The following PNPLA7 variants were observed in gnomAD, a reference collection of about 807,000 sequenced individuals.
PNPLA7 encodes the protein patatin like domain 7, lysophospholipase, also known as patatin-like phospholipase domain-containing protein 7.
Under a neutral mutation model 161.7 loss-of-function variants are expected in PNPLA7, and 153 were observed. The observed-to-expected ratio is 0.95, with a 90% CI of 0.83 to 1.08. The LOEUF (loss-of-function observed/expected upper bound fraction) is 1.08. Among genes scored for constraint, PNPLA7 ranks in the 50% least tolerant of loss-of-function variants. PNPLA7 has a pLI of 0.00. For missense variants in PNPLA7, 1,739 were observed against 1,856.6 expected, an observed-to-expected ratio of 0.94 and a Z score of 1.16; for synonymous variants, 809 against 782.1, an observed-to-expected ratio of 1.03 and a Z score of -0.57.
rs113832428 is a variant in PNPLA7, at chr9:137,479,257, G to C, written c.2581-19C>G. 1.3e-6 allele frequency: 2 copies of C among 1,506,034 alleles called. No individual in the cohort carries two copies. Among genetic ancestry groups the C allele is most frequent in the Non-Finnish European group, 1.8e-6 (2 of 1,119,906 alleles). 93.3% of individuals were successfully genotyped at this position (1,506,034 alleles called of 1,614,324 possible). On this transcript the variant is annotated intron_variant, in intron 23 of 34. Transcript: ENST00000406427. ...GCTCCAGCTGAAAGGCAGAGCCCAC[G>C]TGTCTGCCAGCCGGGTGAGCCTGGG...
chr9:137,529,985 G>C (rs997873206), intron 8 of PNPLA7, among the ~76,000 whole-genome samples: 1 of 146,924 alleles, frequency 6.8e-6, no homozygotes, highest in Non-Finnish European at 1.5e-5. Context: ...TTTTTCCTGA[G>C]ATACAGTCTT....
rs775850750 is a variant in PNPLA7 at position 137,501,652 on chromosome 9, G to C, written c.1549C>G (p.Gln517Glu). Residue 517 changes from glutamine (Q) to glutamate (E), a missense_variant and splice_region_variant, in exon 15 of 35, where the codon CAG (glutamine) becomes GAG (glutamate). Gln to Glu is a conservative substitution (Grantham distance 29, BLOSUM62 2). This residue lies in a region of PNPLA7 where 481 missense variants were observed against 450.0 expected (regional missense o/e 1.07). Coordinates refer to ENST00000406427, the MANE Select transcript of PNPLA7 (RefSeq NM_001098537.3). ...CCCCCCCCCAGACCCCCGCTCACCT[G>C]GTCTCCCTGCCTTGACACCACCGTG... ...AGTVVSRQGD[Q>E]DASILFVVSG... 2 of 1,612,032 alleles carry C rather than the reference G, an allele frequency of 1.2e-6. No individual in the cohort carries two copies. The highest frequency in any genetic ancestry group is 1.1e-5 in the South Asian group (1 of 90,948).
At chr9:137,481,528 C>A (rs964718813) in intron 21 of PNPLA7, among the ~76,000 whole-genome samples, 2 of 152,310 alleles carry the variant, frequency 1.3e-5, no homozygotes, top group African/African-American at 4.8e-5. Flanking sequence ...CCAGTGTCAG[C>A]CCTGGCATCA....
At chr9:137,512,962 GA>G (rs34062048) in intron 12 of PNPLA7, among the ~76,000 whole-genome samples, 1,843 of 114,786 alleles carry the variant, frequency 0.016, 28 homozygotes, top group African/African-American at 0.047. Flanking sequence ...GCCTCTGTCT[GA>G]AAAAAAAAAA....
intron 13 of PNPLA7, 98 bp from the exon 14 acceptor site, chr9:137,505,858 CG>C (rs1252410352): frequency 6.5e-7 from 1 of 1,544,480 alleles, no homozygotes; most frequent in Non-Finnish European, 8.9e-7. Flanking sequence ...GCGGAAAGGC[CG>C]GCTGAGCCTC....
intron 20 of PNPLA7, 88 bp from the exon 21 acceptor site, chr9:137,484,824 G>A: frequency 2.1e-6 from 3 of 1,440,024 alleles, no homozygotes; most frequent in Admixed American, 2.4e-5. Context: ...AGGCTGCACA[G>A]GAGCAACGCA....
Position 137,543,365 on chromosome 9 carries a change from A to T in PNPLA7, c.506+67T>A. 6.3e-7 allele frequency: 1 copy of T among 1,588,768 alleles called. No homozygotes were observed. Among genetic ancestry groups the T allele is most frequent in the Non-Finnish European group, 8.6e-7 (1 of 1,160,016 alleles). On this transcript the variant is annotated intron_variant, in intron 6 of 34. Coordinates refer to ENST00000406427, the MANE Select transcript of PNPLA7 (RefSeq NM_001098537.3). This position sits in a 1 kb window ranked among gnomAD's most constrained non-coding sequence, Gnocchi z 6.9. Reference sequence around the variant, plus strand: ...AACACAAGACGGCCAAGCTGGAGCCAGGCCCCAGCGAGAAGCCCGGGGCTA... The same window carrying T: ...AACACAAGACGGCCAAGCTGGAGCCTGGCCCCAGCGAGAAGCCCGGGGCTA...
chr9:137,464,207 C>T lies in PNPLA7; in HGVS notation c.3157-12G>A, dbSNP rs371408783. 7.4e-5 allele frequency: 119 copies of T among 1,613,530 alleles called. No homozygotes were observed. The highest frequency in any genetic ancestry group is 1.6e-4 in the Middle Eastern group (1 of 6,084). On this transcript the variant is annotated splice_polypyrimidine_tract_variant and intron_variant, in intron 27 of 34. Coordinates refer to ENST00000406427, the MANE Select transcript of PNPLA7 (RefSeq NM_001098537.3). ...GGAATCCACAGGTCCTGCGGGCGGACGGGGCTCAGATGGGCCCTCTCCCAT... is the reference window on the plus strand; with the variant it reads ...GGAATCCACAGGTCCTGCGGGCGGATGGGGCTCAGATGGGCCCTCTCCCAT...
chr9:137,475,694 A>T (rs28849429), intron 25 of PNPLA7, among the ~76,000 whole-genome samples: 7,230 of 149,494 alleles, frequency 0.048, 588 homozygotes, highest in African/African-American at 0.17. Context: ...TTTTTTTTTA[A>T]AAAAAAAGAA....
chr9:137,512,434 C>T (rs1283871763), intron 12 of PNPLA7, among the ~76,000 whole-genome samples: 8 of 152,266 alleles, frequency 5.3e-5, no homozygotes, highest in Non-Finnish European at 1.2e-4. Context: ...GGCTGGCAGC[C>T]ATCGGGACGG....
At chr9:137,535,217 T>C (rs1014388075) in intron 8 of PNPLA7, among the ~76,000 whole-genome samples, 3 of 152,062 alleles carry the variant, frequency 2.0e-5, no homozygotes, top group Non-Finnish European at 2.9e-5. Flanking sequence ...ACATTATTTC[T>C]GTGAGATGCA....
At chr9:137,513,476 C>CAAA (rs11422303) in intron 12 of PNPLA7, among the ~76,000 whole-genome samples, 2 of 122,412 alleles carry the variant, frequency 1.6e-5, no homozygotes, top group African/African-American at 6.2e-5. Flanking sequence ...AACTCTGTCA[C>CAAA]AAAAAAAAAA....
chr9:137,479,572 T>G, intron 23 of PNPLA7: 1 of 1,059,152 alleles, frequency 9.4e-7, no homozygotes, highest in Non-Finnish European at 1.1e-6. Flanking sequence ...CATCACTAGC[T>G]GCAGAACAGG....
intron 14 of PNPLA7, among the ~76,000 whole-genome samples, chr9:137,504,705 G>T (rs767886497): frequency 5.9e-5 from 9 of 151,536 alleles, no homozygotes; most frequent in Non-Finnish European, 1.3e-4. Context: ...TGCCTCAGAA[G>T]GAGTCCTTAA....
At chr9:137,548,983 G>A (rs1588730761) in intron 1 of PNPLA7, among the ~76,000 whole-genome samples, 4 of 152,192 alleles carry the variant, frequency 2.6e-5, no homozygotes. Context: ...TTAAGGAAGC[G>A]AAGTGAGTCC....
intron 1 of PNPLA7, among the ~76,000 whole-genome samples, chr9:137,549,887 G>A (rs765134108): frequency 2.6e-5 from 4 of 152,248 alleles, no homozygotes; most frequent in Non-Finnish European, 5.9e-5. Context: ...GAAAAGACAA[G>A]GCCTCAGGCA....
chr9:137,462,351 C>T lies in PNPLA7; in HGVS notation c.3493-20G>A. The stretch of plus-strand genomic sequence containing the variant: ...CAACACCTGCTGCCGTCACAGCCGC[C>T]TGAGTCTCCTGCCCCGGCCCCTACC... On this transcript the variant is annotated intron_variant, in intron 30 of 34. Transcript: ENST00000406427. The T allele has an allele frequency of 6.3e-7, 1 of 1,580,934 alleles. No homozygotes were observed. The highest frequency in any genetic ancestry group is 1.2e-5 in the South Asian group (1 of 85,682).
Position 137,542,624 on chromosome 9 carries a change from C to G in PNPLA7, c.666+18G>C. The G allele has an allele frequency of 7.6e-6, 12 of 1,572,388 alleles. No individual in the cohort carries two copies. The highest frequency in any genetic ancestry group is 1.0e-5 in the Non-Finnish European group (12 of 1,152,290). ...AATGCGCAGCCGCCTGACCCCGCCC[C>G]GCCGCCCTGCGACTCACAGTGTCCT... On this transcript the variant is annotated intron_variant, in intron 7 of 34. Transcript: ENST00000406427.
Position 137,491,851 on chromosome 9 carries a change from G to A in PNPLA7, c.2197+1162C>T, listed in dbSNP as rs891473336. The A allele has an allele frequency of 1.7e-5, 17 of 985,298 alleles. No homozygotes were observed. In the South Asian group the frequency reaches 3.8e-4, roughly 22 times the overall value. 61.0% of individuals were successfully genotyped at this position (985,298 alleles called of 1,614,324 possible). On this transcript the variant is annotated intron_variant, in intron 20 of 34. Transcript: ENST00000406427. ...CAGGTGACAGGTCATGCAATGTGTCGGGGGTGACAAGCACAGAGAAGAAAA... is the reference window on the plus strand; with the variant it reads ...CAGGTGACAGGTCATGCAATGTGTCAGGGGTGACAAGCACAGAGAAGAAAA...
Sources: allele counts gnomAD v4.1 joint callset (sites outside exome capture counted in the v4.1 genomes callset), GRCh38; gene constraint gnomAD v4.1.1; regional missense constraint gnomAD v4.1.1; non-coding constraint Gnocchi (gnomAD v3.1); transcripts MANE v1.5; gene names NCBI Gene and HGNC (gene_info 2026-07-23, HGNC 2026-07-21).